Variants in ATF2 observed in about 807,000 individuals in gnomAD.
ATF2 encodes the protein cyclic AMP-dependent transcription factor ATF-2.
In ATF2, 24 loss-of-function variants were observed where a neutral mutation model predicts 60.6. The ratio of observed to expected loss-of-function variants is 0.40; its 90% confidence interval spans 0.29 to 0.56. The LOEUF (loss-of-function observed/expected upper bound fraction) is 0.56, where lower values mean the gene tolerates loss of function less well. Ranked by LOEUF, ATF2 falls within the 20% of genes least tolerant of loss-of-function variation. The pLI, the probability that ATF2 is intolerant of heterozygous loss-of-function variation, is 0.54. For missense variants in ATF2, 433 were observed against 607.7 expected (o/e 0.71, Z 3.02); for synonymous variants, 206 against 215.4 (o/e 0.96, Z 0.38).
chr2:175,166,568 T>C (rs1429953159), intron 1 of ATF2, among the ~76,000 whole-genome samples: 4 of 152,224 alleles, frequency 2.6e-5, no homozygotes, highest in African/African-American at 9.6e-5. Context: ...AAAAAATTAA[T>C]ACATGATAAA....
At chr2:175,091,472 T>C (rs1411982301) in intron 12 of ATF2, among the ~76,000 whole-genome samples, 1 of 152,184 alleles carries the variant, frequency 6.6e-6, no homozygotes, top group Non-Finnish European at 1.5e-5. Flanking sequence ...ATAGCCATTT[T>C]TGCAGCATAA....
intron 10 of ATF2, among the ~76,000 whole-genome samples, chr2:175,098,310 C>G (rs563361043): frequency 9.9e-4 from 151 of 152,270 alleles, no homozygotes; most frequent in Non-Finnish European, 1.7e-3. Context: ...ATAATTTGCA[C>G]AGATAATCAG....
chr2:175,166,675 C>G (rs559886064), intron 1 of ATF2, among the ~76,000 whole-genome samples: 25 of 152,278 alleles, frequency 1.6e-4, no homozygotes, highest in African/African-American at 5.8e-4. Context: ...AATTTTGATT[C>G]AAGAGACCAA....
At chr2:175,106,885 G>T (rs35683248) in intron 10 of ATF2, among the ~76,000 whole-genome samples, 1 of 151,940 alleles carries the variant, frequency 6.6e-6, no homozygotes, top group African/African-American at 2.4e-5. Context: ...CAATTGGCCC[G>T]GTGCGGTGAC....
chr2:175,115,101 T>C (rs1355840740), intron 7 of ATF2, among the ~76,000 whole-genome samples: 1 of 151,514 alleles, frequency 6.6e-6, no homozygotes, highest in African/African-American at 2.4e-5. Flanking sequence ...CCAGTACAAC[T>C]TGTTCTCCTA....
intron 8 of ATF2, chr2:175,114,402 G>T (rs1188464580): frequency 8.0e-7 from 1 of 1,250,618 alleles, no homozygotes; most frequent in East Asian, 3.6e-5. Context: ...AGAACTGAAA[G>T]AAATGGAATC....
At chr2:175,096,682 A>C (rs1574353019) in intron 11 of ATF2, among the ~76,000 whole-genome samples, 1 of 152,220 alleles carries the variant, frequency 6.6e-6, no homozygotes, top group Non-Finnish European at 1.5e-5. Flanking sequence ...TGTAATCATA[A>C]ACATATGGCA....
At chr2:175,139,401 G>C (rs899633786) in intron 2 of ATF2, among the ~76,000 whole-genome samples, 5 of 152,196 alleles carry the variant, frequency 3.3e-5, no homozygotes, top group Non-Finnish European at 5.9e-5. Flanking sequence ...GCCAGGCGCA[G>C]TGGCTCACGC....
At chr2:175,110,147 C>G (rs1696070669) in intron 10 of ATF2, among the ~76,000 whole-genome samples, 1 of 151,952 alleles carries the variant, frequency 6.6e-6, no homozygotes, top group Non-Finnish European at 1.5e-5. Flanking sequence ...CCAGTCTGAC[C>G]AACATGGTGA....
chr2:175,167,831 G>A (rs1700473700), intron 1 of ATF2: 7 of 419,136 alleles, frequency 1.7e-5, no homozygotes, highest in South Asian at 1.0e-4. Context: ...CTAACGGTCC[G>A]GCCCAGCCAG....
intron 12 of ATF2, among the ~76,000 whole-genome samples, chr2:175,085,340 G>C (rs1694076213): frequency 6.6e-6 from 1 of 151,970 alleles, no homozygotes. Flanking sequence ...TTTAAGACCA[G>C]CCTGGCCAAC....
At chr2:175,094,750 G>A (rs1222963968) in intron 11 of ATF2, among the ~76,000 whole-genome samples, 1 of 151,928 alleles carries the variant, frequency 6.6e-6, no homozygotes, top group Non-Finnish European at 1.5e-5. Context: ...TTCACGCCTG[G>A]GCAACATAGC....
chr2:175,078,466 G>T (rs212353), intron 13 of ATF2, among the ~76,000 whole-genome samples: 150,674 of 152,302 alleles, frequency 0.99, 74,555 homozygotes, highest in East Asian at 1. Context: ...TGTACTCTTA[G>T]TATTTTCATT....
chr2:175,097,421 A>T, intron 11 of ATF2, 23 bp downstream of exon 11: 1 of 1,612,000 alleles, frequency 6.2e-7, no homozygotes, highest in Non-Finnish European at 8.5e-7. Flanking sequence ...CAGAGTGCTG[A>T]ATAATAAAAA....
rs775287197 is a variant in ATF2, at chr2:175,097,610, A to G, written c.829-17T>C. 1.2e-5 allele frequency: 19 copies of G among 1,611,956 alleles called. No individual in the cohort carries two copies. The highest frequency in any genetic ancestry group is 2.7e-5 in the African/African-American group (2 of 74,858). ...TTTTAATCTCTGCAATGCAAACACC[A>G]TTAAAAATTTTTTTTAAGTCCTTAA... On this transcript the variant is annotated splice_polypyrimidine_tract_variant and intron_variant, in intron 10 of 13. Coordinates refer to ENST00000264110, the MANE Select transcript of ATF2 (RefSeq NM_001880.4).
At chr2:175,106,646 G>A (rs1425980570) in intron 10 of ATF2, among the ~76,000 whole-genome samples, 1 of 151,968 alleles carries the variant, frequency 6.6e-6, no homozygotes, top group Non-Finnish European at 1.5e-5. Context: ...GACCAGCCTG[G>A]CCAACATGGT....
chr2:175,137,968 G>C (rs1346653777), intron 2 of ATF2, among the ~76,000 whole-genome samples: 1 of 152,132 alleles, frequency 6.6e-6, no homozygotes, highest in African/African-American at 2.4e-5. Flanking sequence ...TATAAATCCA[G>C]GCTTATCTCC....
At chr2:175,096,446 T>C (rs1171248810) in intron 11 of ATF2, among the ~76,000 whole-genome samples, 1 of 152,220 alleles carries the variant, frequency 6.6e-6, no homozygotes, top group Non-Finnish European at 1.5e-5. Context: ...AATATTTATC[T>C]ACCTATTTCT....
rs1406830727 is a variant in ATF2 at position 175,130,134 on chromosome 2, T to C, written c.102+4A>G. 1.3e-6 allele frequency: 2 copies of C among 1,570,690 alleles called. No individual in the cohort carries two copies. The highest frequency in any genetic ancestry group is 1.7e-6 in the Non-Finnish European group (2 of 1,155,548). On this transcript the variant is annotated splice_donor_region_variant and intron_variant, in intron 4 of 13. Transcript: ENST00000264110. ...AAAATAATTTAAAGTAATTTATATA[T>C]TACCTGGCCACATCCAGGCGCAGTA...
Sources: gnomAD v4.1 joint callset for allele counts (sites outside exome capture counted in the v4.1 genomes callset) on GRCh38, gnomAD v4.1.1 for gene constraint, MANE v1.5 for transcripts, NCBI Gene and HGNC (gene_info 2026-07-23, HGNC 2026-07-21) for gene names.